The following DPP6 variants were observed in gnomAD, a reference collection of about 807,000 sequenced individuals.
DPP6 encodes the protein dipeptidyl peptidase like 6, also known as A-type potassium channel modulatory protein DPP6.
A neutral mutation model predicts 122.6 loss-of-function variants in DPP6; 69 were observed. The observed-to-expected ratio is 0.56, with a 90% CI of 0.46 to 0.69. DPP6 has a LOEUF of 0.69. DPP6 is among the 30% of genes least tolerant of loss of function. The pLI is 0.00. For synonymous variants in DPP6, 418 were observed against 433.1 expected (o/e 0.97, Z 0.43); for missense variants, 928 against 1,116.9 (o/e 0.83, Z 2.41).
intron 12 of DPP6, among the ~76,000 whole-genome samples, chr7:154,801,105 A>C (rs1157906391): frequency 6.6e-6 from 1 of 151,538 alleles, no homozygotes; most frequent in Admixed American, 6.6e-5. Context: ...AGACTGAGGG[A>C]TGCCTTTTTA....
At chr7:154,017,026 T>G (rs1798449790) in intron 1 of DPP6, among the ~76,000 whole-genome samples, 1 of 152,194 alleles carries the variant, frequency 6.6e-6, no homozygotes, top group African/African-American at 2.4e-5. Context: ...TTAGAAGGAA[T>G]AAGTAATAGT....
chr7:154,278,743 C>T (rs1391075763), intron 1 of DPP6, among the ~76,000 whole-genome samples: 1 of 152,080 alleles, frequency 6.6e-6, no homozygotes, highest in East Asian at 1.9e-4. Context: ...TATCTTTAAC[C>T]TCATTAAATC....
At chr7:154,474,134 C>A (rs1051204106) in intron 2 of DPP6, among the ~76,000 whole-genome samples, 1 of 152,142 alleles carries the variant, frequency 6.6e-6, no homozygotes, top group African/African-American at 2.4e-5. Context: ...ATGCTGACAG[C>A]CCTGTGTCTT....
At chr7:154,081,276 C>G (rs1370254752) in intron 1 of DPP6, among the ~76,000 whole-genome samples, 3 of 149,658 alleles carry the variant, frequency 2.0e-5, no homozygotes, top group Non-Finnish European at 1.5e-5. Context: ...TTGTGCCTCT[C>G]TTTCCTATGC....
At chr7:154,616,893 G>A (rs1415339666) in intron 5 of DPP6, among the ~76,000 whole-genome samples, 2 of 152,116 alleles carry the variant, frequency 1.3e-5, no homozygotes, top group Admixed American at 6.5e-5. Context: ...ATTTTATCCA[G>A]ATAAAAATCT....
intron 1 of DPP6, among the ~76,000 whole-genome samples, chr7:153,972,027 A>G (rs1173346550): frequency 6.7e-6 from 1 of 150,340 alleles, no homozygotes; most frequent in Non-Finnish European, 1.5e-5. Context: ...AGTCTAAAAC[A>G]CATCATTCGT....
At chr7:154,568,616 G>A (rs1830918012) in intron 5 of DPP6, among the ~76,000 whole-genome samples, 1 of 152,176 alleles carries the variant, frequency 6.6e-6, no homozygotes, top group Non-Finnish European at 1.5e-5. Flanking sequence ...GTTTGGAAGA[G>A]TGCCCTGGGA....
intron 1 of DPP6, among the ~76,000 whole-genome samples, chr7:154,065,287 A>G (rs1802616924): frequency 7.9e-6 from 1 of 127,080 alleles, no homozygotes; most frequent in Non-Finnish European, 1.7e-5. Context: ...GCAAGCAGGG[A>G]CACCTCCCAT....
chr7:154,032,725 C>A (rs1170633103), intron 1 of DPP6, among the ~76,000 whole-genome samples: 1 of 152,030 alleles, frequency 6.6e-6, no homozygotes, highest in Non-Finnish European at 1.5e-5. Context: ...CCAGATTGTT[C>A]TAGGAGTTCA....
At chr7:153,783,766 C>G in the DPP6 span, among the ~76,000 whole-genome samples, 1 of 152,182 alleles carries the variant, frequency 6.6e-6, no homozygotes, top group Admixed American at 6.5e-5. Flanking sequence ...CATACCCTAC[C>G]TTCCAGTAAT....
rs544685584 is a variant in DPP6 at position 154,738,271 on chromosome 7, ACTGCTCTC to A, written c.883+10388_883+10395del. On this transcript the variant is annotated intron_variant, in intron 8 of 25. Transcript: ENST00000377770. The stretch of plus-strand genomic sequence containing the variant: ...CAGCAAACAGGAGATAAAAGGGATG[ACTGCTCTC>A]CTGGTCTGTGGGTTTCTCCCAAGAG... Among the ~76,000 whole-genome samples the A allele has an allele frequency of 6.6e-5, 10 of 152,328 alleles. No individual in the cohort carries two copies. The South Asian group carries it at 1.7e-3, about 25-fold the overall frequency.
chr7:153,931,583 A>G (rs1332797546), intron 1 of DPP6, among the ~76,000 whole-genome samples: 1 of 152,190 alleles, frequency 6.6e-6, no homozygotes, highest in East Asian at 1.9e-4. Flanking sequence ...AAAACTATTT[A>G]AATTCATTAT....
At chr7:154,516,502 G>A (rs908140277) in intron 3 of DPP6, among the ~76,000 whole-genome samples, 1 of 152,140 alleles carries the variant, frequency 6.6e-6, no homozygotes, top group Non-Finnish European at 1.5e-5. Flanking sequence ...AATCATGAAA[G>A]ACATATATTA....
chr7:154,658,726 G>A (rs551569468), intron 6 of DPP6, among the ~76,000 whole-genome samples: 2 of 152,158 alleles, frequency 1.3e-5, no homozygotes, highest in South Asian at 4.1e-4. Context: ...AGAGTAAGGG[G>A]GCAGTAGGTA....
chr7:154,603,432 C>T (rs1325431180), intron 5 of DPP6, among the ~76,000 whole-genome samples: 1 of 116,880 alleles, frequency 8.6e-6, no homozygotes, highest in Non-Finnish European at 1.9e-5. Flanking sequence ...TTTGGGAGGC[C>T]GAAGTGGGCA....
chr7:153,900,359 A>G (rs1463254234), intron 1 of DPP6, among the ~76,000 whole-genome samples: 1 of 151,912 alleles, frequency 6.6e-6, no homozygotes, highest in Non-Finnish European at 1.5e-5. Flanking sequence ...ATAAAGGCAT[A>G]CCTGAGGCTG....
At chr7:154,596,015 G>A (rs1380236813) in intron 5 of DPP6, among the ~76,000 whole-genome samples, 1 of 152,172 alleles carries the variant, frequency 6.6e-6, no homozygotes, top group Non-Finnish European at 1.5e-5. Flanking sequence ...GAGCCAAGAT[G>A]TGCCGCTACA....
intron 1 of DPP6, among the ~76,000 whole-genome samples, chr7:154,246,793 T>C (rs1802010720): frequency 6.6e-6 from 1 of 152,102 alleles, no homozygotes; most frequent in Non-Finnish European, 1.5e-5. Context: ...TGGGGAAAAA[T>C]GAACTTTAAC....
At chr7:154,374,875 G>T (rs1812995322) in intron 1 of DPP6, among the ~76,000 whole-genome samples, 1 of 152,176 alleles carries the variant, frequency 6.6e-6, no homozygotes, top group Admixed American at 6.5e-5. Context: ...GCCTCCCAAA[G>T]TGCTGGGATT....
Sources: allele counts gnomAD v4.1 joint callset (sites outside exome capture counted in the v4.1 genomes callset), GRCh38; gene constraint gnomAD v4.1.1; transcripts MANE v1.5; gene names NCBI Gene and HGNC (gene_info 2026-07-23, HGNC 2026-07-21).